Variants in SCAPER observed in about 807,000 individuals in gnomAD.
The protein encoded by SCAPER is S-phase cyclin A associated protein in the ER.
SCAPER carries 98 observed loss-of-function variants against 182.2 expected under a neutral mutation model. The ratio of observed to expected loss-of-function variants is 0.54; its 90% confidence interval spans 0.46 to 0.64. The LOEUF (loss-of-function observed/expected upper bound fraction) is 0.64. SCAPER is among the 30% of genes least tolerant of loss of function. The pLI is 0.00. For missense variants in SCAPER, 1,432 were observed against 1,690.0 expected (o/e 0.85, Z 2.68); for synonymous variants, 605 against 564.6 (o/e 1.07, Z -1.01).
At chr15:76,535,055 C>T (rs916480186) in intron 23 of SCAPER, among the ~76,000 whole-genome samples, 5 of 151,980 alleles carry the variant, frequency 3.3e-5, no homozygotes, top group Admixed American at 3.3e-4. Flanking sequence ...TATACCTTAA[C>T]GTATACAGAA....
At chr15:76,775,251 C>T in intron 8 of SCAPER, 134 bp from the exon 9 acceptor site, 1 of 741,904 alleles carries the variant, frequency 1.3e-6, no homozygotes, top group Non-Finnish European at 2.1e-6. Context: ...GAGTATTATA[C>T]AAAATGTATA....
intron 25 of SCAPER, among the ~76,000 whole-genome samples, chr15:76,468,825 T>C (rs1398160724): frequency 1.3e-5 from 2 of 152,128 alleles, no homozygotes; most frequent in Non-Finnish European, 2.9e-5. Context: ...AATTTGGTCA[T>C]AAGGATGGAA....
intron 1 of SCAPER, among the ~76,000 whole-genome samples, chr15:76,902,797 C>T (rs1450306628): frequency 3.3e-5 from 5 of 152,206 alleles, no homozygotes; most frequent in Non-Finnish European, 5.9e-5. Context: ...TGGCGCACGC[C>T]TGTAATCCCA....
In SCAPER at chr15:76,813,227, T is replaced by TAAAAAAA. The variant is rs746891532; in HGVS notation, c.394-8601_394-8595dup. 3.8e-3 allele frequency among the ~76,000 whole-genome samples: 66 copies of TAAAAAAA among 17,204 alleles called. 5 individuals carry two copies. Among genetic ancestry groups the TAAAAAAA allele is most frequent in the African/African-American group, 9.1e-3 (38 of 4,194 alleles). 11.3% of individuals were successfully genotyped at this position (17,204 alleles called of 152,430 possible). ...CAGACAGAGTTCAATATCCTTTCAC[T>TAAAAAAA]AAAAAAAAAAAAAAAAAAAAAAAAA... On this transcript the variant is annotated intron_variant, in intron 5 of 31. Coordinates refer to ENST00000563290, the MANE Select transcript of SCAPER (RefSeq NM_020843.4).
rs564013085 is a variant in SCAPER, at chr15:76,782,145, T to C, written c.773-7028A>G. On this transcript the variant is annotated intron_variant, in intron 8 of 31. Transcript: ENST00000563290. The stretch of plus-strand genomic sequence containing the variant: ...GTGTGCTGTATGCAGGAGACCCATC[T>C]CATGTGCAGAGACACACACAGGCTC... Among the ~76,000 whole-genome samples the C allele has an allele frequency of 2.6e-5, 4 of 151,802 alleles. No homozygotes were observed. In the East Asian group the frequency reaches 7.7e-4, roughly 29 times the overall value.
At chr15:76,826,357 A>C (rs2068019175) in intron 5 of SCAPER, among the ~76,000 whole-genome samples, 1 of 144,354 alleles carries the variant, frequency 6.9e-6, no homozygotes, top group Non-Finnish European at 1.5e-5. Flanking sequence ...GTGGGAACTG[A>C]ACAATGAGAA....
chr15:76,612,228 G>A (rs1395583188), intron 22 of SCAPER, among the ~76,000 whole-genome samples: 4 of 152,108 alleles, frequency 2.6e-5, no homozygotes, highest in Admixed American at 2.6e-4. Flanking sequence ...TGCTGCTGCT[G>A]CTGCTGCTTC....
At chr15:76,735,300 G>C (rs1201653663) in intron 15 of SCAPER, among the ~76,000 whole-genome samples, 1 of 152,078 alleles carries the variant, frequency 6.6e-6, no homozygotes, top group Non-Finnish European at 1.5e-5. Flanking sequence ...TTGAACCCAG[G>C]AGTTAGAGGC....
At chr15:76,473,049 A>G (rs1057020914) in intron 24 of SCAPER, among the ~76,000 whole-genome samples, 1 of 152,120 alleles carries the variant, frequency 6.6e-6, no homozygotes, top group African/African-American at 2.4e-5. Context: ...TAGAGTTTCC[A>G]TTTCTAGATT....
chr15:76,626,720 C>A (rs763750437), intron 21 of SCAPER, among the ~76,000 whole-genome samples: 2 of 152,186 alleles, frequency 1.3e-5, no homozygotes, highest in South Asian at 4.2e-4. Flanking sequence ...CTGTCTCAAA[C>A]AAACAAACAA....
At chr15:76,370,895 T>C (rs2042119247) in intron 29 of SCAPER, among the ~76,000 whole-genome samples, 2 of 152,200 alleles carry the variant, frequency 1.3e-5, no homozygotes, top group African/African-American at 4.8e-5. Flanking sequence ...AGCTTTCCAG[T>C]CAGCATCTAA....
chr15:76,805,571 T>C (rs1473681973), intron 5 of SCAPER, among the ~76,000 whole-genome samples: 2 of 149,048 alleles, frequency 1.3e-5, no homozygotes, highest in Non-Finnish European at 3.0e-5. Context: ...TTTTTTTTTT[T>C]TTTTTGGAGA....
At chr15:76,480,793 C>T (rs1299325274) in intron 24 of SCAPER, among the ~76,000 whole-genome samples, 2 of 151,870 alleles carry the variant, frequency 1.3e-5, no homozygotes, top group Non-Finnish European at 2.9e-5. Flanking sequence ...TGCAGTGGTG[C>T]GATCTCGGCT....
intron 20 of SCAPER, among the ~76,000 whole-genome samples, chr15:76,688,879 T>G (rs1439519111): frequency 7.0e-6 from 1 of 143,212 alleles, no homozygotes; most frequent in Non-Finnish European, 1.5e-5. Context: ...GACAGAGTCT[T>G]GCTCTGTCGT....
At chr15:76,540,369 C>A (rs1328761096) in intron 23 of SCAPER, among the ~76,000 whole-genome samples, 2 of 152,050 alleles carry the variant, frequency 1.3e-5, no homozygotes, top group African/African-American at 4.8e-5. Flanking sequence ...CCACTGTGCT[C>A]CAGCCTGGGC....
At chr15:76,675,482 G>C (rs2057315431) in intron 20 of SCAPER, among the ~76,000 whole-genome samples, 1 of 152,142 alleles carries the variant, frequency 6.6e-6, no homozygotes, top group Non-Finnish European at 1.5e-5. Context: ...CACTTTCCTT[G>C]CTTGGTTCTC....
chr15:76,626,191 T>C (rs2052557450), intron 21 of SCAPER, among the ~76,000 whole-genome samples: 1 of 152,156 alleles, frequency 6.6e-6, no homozygotes, highest in Admixed American at 6.5e-5. Flanking sequence ...GATTATCTAC[T>C]CACTATTTTG....
intron 21 of SCAPER, among the ~76,000 whole-genome samples, chr15:76,636,557 A>T (rs2053621544): frequency 6.6e-6 from 1 of 152,136 alleles, no homozygotes. Context: ...TCCTTCAGGG[A>T]GCCATCAGAC....
chr15:76,733,416 T>A (rs1284609439), intron 15 of SCAPER, 32 bp from the exon 16 acceptor site: 1 of 1,600,506 alleles, frequency 6.2e-7, no homozygotes, highest in East Asian at 2.2e-5. Context: ...AAGGTTCAGA[T>A]CAAGTTAATT....
Sources: allele counts gnomAD v4.1 joint callset (sites outside exome capture counted in the v4.1 genomes callset), GRCh38; gene constraint gnomAD v4.1.1; transcripts MANE v1.5; gene names NCBI Gene and HGNC (gene_info 2026-07-23, HGNC 2026-07-21).